Variants in SYT14 observed in about 807,000 individuals in gnomAD.
SYT14 encodes the protein synaptotagmin-14.
Under a neutral mutation model 74.2 loss-of-function variants are expected in SYT14, and 32 were observed. That is an observed-to-expected ratio of 0.43 (90% CI 0.33 to 0.58). SYT14 has a LOEUF of 0.58. Ranked by LOEUF, SYT14 falls within the 20% of genes least tolerant of loss-of-function variation. SYT14 has a pLI of 0.05. For synonymous variants in SYT14, 298 were observed against 337.7 expected (o/e 0.88, Z 1.29); for missense variants, 791 against 981.8 (o/e 0.81, Z 2.60).
intron 5 of SYT14, among the ~76,000 whole-genome samples, chr1:210,022,507 A>C (rs1295054819): frequency 1.3e-5 from 2 of 152,240 alleles, no homozygotes; most frequent in African/African-American, 2.4e-5. Context: ...CTGGTACATG[A>C]ATAGTAGAGC....
At chr1:210,038,508 A>T (rs2130625) in intron 5 of SYT14, among the ~76,000 whole-genome samples, 2 of 152,014 alleles carry the variant, frequency 1.3e-5, no homozygotes, top group Admixed American at 6.6e-5. Flanking sequence ...TAATTATTTT[A>T]TAAGATCTAT....
chr1:209,979,834 T>A (rs540578957), intron 2 of SYT14, among the ~76,000 whole-genome samples: 1 of 152,336 alleles, frequency 6.6e-6, no homozygotes, highest in South Asian at 2.1e-4. Context: ...TGTACCACAT[T>A]TTCTTTATCC....
chr1:210,096,528 C>T (rs2081969717), intron 6 of SYT14, among the ~76,000 whole-genome samples: 1 of 152,174 alleles, frequency 6.6e-6, no homozygotes, highest in Admixed American at 6.5e-5. Flanking sequence ...TGTGTGAGTC[C>T]TGTTTTATGC....
At chr1:209,940,191 A>G (rs1404447056) in intron 1 of SYT14, among the ~76,000 whole-genome samples, 2 of 152,208 alleles carry the variant, frequency 1.3e-5, no homozygotes, top group African/African-American at 4.8e-5. Flanking sequence ...ACATAGTAAA[A>G]TAGATTCATT....
At chr1:210,093,028 G>A (rs1391518849) in intron 5 of SYT14, among the ~76,000 whole-genome samples, 2 of 152,130 alleles carry the variant, frequency 1.3e-5, no homozygotes, top group African/African-American at 2.4e-5. Flanking sequence ...AGGGAATGGT[G>A]GGGTTAGAAC....
At chr1:209,949,698 G>A (rs1014825655) in intron 1 of SYT14, among the ~76,000 whole-genome samples, 1 of 151,836 alleles carries the variant, frequency 6.6e-6, no homozygotes, top group African/African-American at 2.4e-5. Flanking sequence ...TGTCTGGAAT[G>A]TATCCTTAGT....
intron 5 of SYT14, among the ~76,000 whole-genome samples, chr1:210,060,269 C>T (rs1396925277): frequency 4.6e-5 from 7 of 152,086 alleles, no homozygotes; most frequent in Non-Finnish European, 8.8e-5. Context: ...GCAATGCGAT[C>T]TAAGGTAAGG....
At chr1:210,136,268 A>T (rs945831154) in intron 7 of SYT14, among the ~76,000 whole-genome samples, 4 of 152,090 alleles carry the variant, frequency 2.6e-5, no homozygotes, top group Admixed American at 6.6e-5. Flanking sequence ...GTGTGTGTGT[A>T]TGCGTGCATG....
At chr1:210,148,986 A>G (rs1272596784) in intron 7 of SYT14, among the ~76,000 whole-genome samples, 1 of 152,168 alleles carries the variant, frequency 6.6e-6, no homozygotes, top group Non-Finnish European at 1.5e-5. Context: ...ATATGCCTAT[A>G]TTTATACATA....
chr1:209,953,199 A>G (rs1453784263), intron 2 of SYT14: 6 of 1,287,468 alleles, frequency 4.7e-6, no homozygotes, highest in East Asian at 5.5e-5. Flanking sequence ...ACAACTGTCT[A>G]TGCTTCCTTA....
intron 4 of SYT14, among the ~76,000 whole-genome samples, chr1:210,017,270 A>G (rs879702933): frequency 6.6e-6 from 1 of 152,112 alleles, no homozygotes; most frequent in Non-Finnish European, 1.5e-5. Context: ...TTTTTTCTAA[A>G]ATCATTTCAA....
At chr1:209,990,539 G>GTATATATATACA (rs1394160342) in intron 2 of SYT14, among the ~76,000 whole-genome samples, 1 of 24,722 alleles carries the variant, frequency 4.0e-5, no homozygotes, top group African/African-American at 2.7e-4. Context: ...ATATATATAC[G>GTATATATATACA]TATATATATG....
intron 2 of SYT14, among the ~76,000 whole-genome samples, chr1:209,977,240 C>T (rs1005474274): frequency 6.6e-6 from 1 of 152,126 alleles, no homozygotes; most frequent in African/African-American, 2.4e-5. Context: ...TGAATTTGAT[C>T]CTGTCATTAT....
At chr1:209,985,019 G>C (rs577110856) in intron 2 of SYT14, among the ~76,000 whole-genome samples, 17 of 152,266 alleles carry the variant, frequency 1.1e-4, no homozygotes, top group African/African-American at 3.8e-4. Flanking sequence ...CTCAACATGA[G>C]ATTTGGGTGG....
chr1:210,122,605 A>AT lies in SYT14; in HGVS notation c.2034+22156dup, dbSNP rs989222838. Among the ~76,000 whole-genome samples the AT allele has an allele frequency of 2.1e-3, 302 of 140,950 alleles. 2 individuals are homozygous for AT. Among genetic ancestry groups the AT allele is most frequent in the African/African-American group, 4.9e-3 (189 of 38,494 alleles). 92.5% of individuals were successfully genotyped at this position (140,950 alleles called of 152,430 possible). On this transcript the variant is annotated intron_variant, in intron 7 of 9. Transcript: ENST00000637265. ...AGGTTCCACATATGGTCTCTGTCGC[A>AT]TTTTTTTTTTTTACAATTCTTTTTA...
chr1:210,108,694 G>A (rs1572316907), intron 7 of SYT14, among the ~76,000 whole-genome samples: 1 of 152,166 alleles, frequency 6.6e-6, no homozygotes. Context: ...TAAACAGAGA[G>A]GCAAAAGTGT....
intron 7 of SYT14, among the ~76,000 whole-genome samples, chr1:210,144,206 T>A (rs1308328587): frequency 1.3e-5 from 2 of 152,144 alleles, no homozygotes; most frequent in Non-Finnish European, 2.9e-5. Context: ...AGATAAGGAG[T>A]TACAAATGAT....
rs200275232 is a variant in SYT14, at chr1:209,981,433, CT to C, written c.-486+28682del. On this transcript the variant is annotated intron_variant, in intron 2 of 9. Coordinates refer to ENST00000637265, the Ensembl canonical transcript of SYT14. ...GTTGAAATTTCTTTTCTTTCTTTTT[CT>C]TTTTCTTTTTCTTTTCTTTTTTTTT... Among the ~76,000 whole-genome samples the C allele has an allele frequency of 0.011, 1,371 of 128,322 alleles. 47 individuals are homozygous for C. The East Asian group carries it at 0.17, about 16-fold the overall frequency. The allele number at this position is 128,322 out of a possible 152,430, so 84.2% of individuals were successfully genotyped here. A position where few individuals can be genotyped will look rare whatever the true frequency, so the allele number is the denominator to read the frequency against.
At chr1:210,168,601 ATAT>A (rs1279856720) in exon 10 of SYT14, 1 of 152,200 alleles carries the variant, frequency 6.6e-6, no homozygotes, top group Admixed American at 6.5e-5. Context: ...CTAGCAGTTC[ATAT>A]TAAATATGAC....
Sources: allele counts gnomAD v4.1 joint callset (sites outside exome capture counted in the v4.1 genomes callset), GRCh38; gene constraint gnomAD v4.1.1; transcripts MANE v1.5; gene names NCBI Gene and HGNC (gene_info 2026-07-23, HGNC 2026-07-21).